The following PARP10 variants were observed in gnomAD, a reference collection of about 807,000 sequenced individuals.
The protein encoded by PARP10 is protein mono-ADP-ribosyltransferase PARP10.
PARP10 carries 56 observed loss-of-function variants against 82.4 expected under a neutral mutation model. The observed-to-expected ratio is 0.68, with a 90% CI of 0.55 to 0.85. The LOEUF (loss-of-function observed/expected upper bound fraction) is 0.85. Among genes scored for constraint, PARP10 ranks in the 40% least tolerant of loss-of-function variants. The probability of loss-of-function intolerance (pLI) is 0.00; values close to 1 mark genes in which losing one functional copy is unlikely to be tolerated. For missense variants in PARP10, 1,227 were observed against 1,379.4 expected, an observed-to-expected ratio of 0.89 and a Z score of 1.75; for synonymous variants, 576 against 601.1, an observed-to-expected ratio of 0.96 and a Z score of 0.61.
upstream of PARP10, among the ~76,000 whole-genome samples, chr8:143,989,341 A>G (rs1169970565): frequency 6.6e-6 from 1 of 152,244 alleles, no homozygotes; most frequent in Admixed American, 6.5e-5. This position sits in a 1 kb window ranked among gnomAD's most constrained non-coding sequence, Gnocchi z 4.3. Context: ...TGAGGACGTT[A>G]GGCAGACAAG....
chr8:143,985,860 G>A lies in PARP10; in HGVS notation c.297C>T (p.Gly99=), dbSNP rs1833977833. Reference sequence around the variant, plus strand: ...GCTGCTCCAAGCGCTGGGGCGTGGTGCCAGGGGGCAGTCCTTGGAGCAGCA... The same window carrying A: ...GCTGCTCCAAGCGCTGGGGCGTGGTACCAGGGGGCAGTCCTTGGAGCAGCA... ...ARLLLQGLPP[G]TTPQRLEQHV... is the part of the protein sequence containing the mutation. Residue 99 remains glycine (G), a synonymous_variant, in exon 3 of 11, where the codon GGC becomes GGT. Coordinates refer to ENST00000313028, the MANE Select transcript of PARP10 (RefSeq NM_032789.5). 6.2e-7 allele frequency: 1 copy of A among 1,608,574 alleles called. No individual in the cohort carries two copies. The highest frequency in any genetic ancestry group is 1.3e-5 in the African/African-American group (1 of 74,894).
At chr8:143,995,918 C>T (rs1209498132), upstream of PARP10, among the ~76,000 whole-genome samples, 2 of 152,268 alleles carry the variant, frequency 1.3e-5, no homozygotes, top group Admixed American at 6.5e-5. Flanking sequence ...TGCCTCTTCA[C>T]AGCTGACAGC....
chr8:143,991,468 G>T (rs1281428202), upstream of PARP10: 3 of 1,503,402 alleles, frequency 2.0e-6, no homozygotes, highest in Non-Finnish European at 8.8e-7. Context: ...TACCCACAGG[G>T]CCCCTACCCA....
chr8:143,989,110 C>T (rs1412938052), upstream of PARP10: 1 of 152,356 alleles, frequency 6.6e-6, no homozygotes, highest in African/African-American at 2.4e-5. The surrounding 1 kb of genome is among the most constrained non-coding windows in gnomAD (Gnocchi z 4.3). Flanking sequence ...AAACACTGCG[C>T]CAGCGCACCA....
intron 9 of PARP10, among the ~76,000 whole-genome samples, chr8:143,981,305 AGTGGTG>A (rs1379784776): frequency 8.4e-5 from 12 of 143,516 alleles, no homozygotes; most frequent in South Asian, 2.2e-4. Context: ...TGGTGGTGGT[AGTGGTG>A]GTGGTGATGG....
chr8:143,986,373 T>C lies in PARP10; in HGVS notation c.-14A>G. The C allele has an allele frequency of 6.2e-7, 1 of 1,614,086 alleles. No homozygotes were observed. Among genetic ancestry groups the C allele is most frequent in the Non-Finnish European group, 8.5e-7 (1 of 1,179,982 alleles). On this transcript the variant is annotated 5_prime_UTR_variant, in exon 1 of 11. Coordinates refer to ENST00000313028, the MANE Select transcript of PARP10 (RefSeq NM_032789.5). ...CAGCACTTACATTCCCCGTGGCCGCTAGGCAGCCTCAGGCCATGAGCTCAG... is the reference window on the plus strand; with the variant it reads ...CAGCACTTACATTCCCCGTGGCCGCCAGGCAGCCTCAGGCCATGAGCTCAG...
intron 1 of PARP10, among the ~76,000 whole-genome samples, chr8:144,006,469 T>C (rs569457788): frequency 2.6e-5 from 4 of 152,082 alleles, no homozygotes; most frequent in Non-Finnish European, 5.9e-5. Flanking sequence ...TGGGCACTGG[T>C]CTGATGAGGA....
chr8:143,991,559 C>T (rs782281395), upstream of PARP10: 5 of 1,560,502 alleles, frequency 3.2e-6, no homozygotes, highest in Non-Finnish European at 4.4e-6. Flanking sequence ...TCCCCCCCAA[C>T]CCCTATGGAC....
chr8:143,991,510 A>G (rs782001719), upstream of PARP10: 3 of 1,541,942 alleles, frequency 1.9e-6, no homozygotes, highest in Non-Finnish European at 2.6e-6. Flanking sequence ...CCCTACCCCC[A>G]AGGGGGCTAC....
Position 143,985,478 on chromosome 8 carries a change from G to C in PARP10, c.607C>G (p.Pro203Ala), listed in dbSNP as rs1382785881. ...LENERRSGGG[P>A]LEDLQRLPGP... ...GGTAGGCGTTGCAGGTCCTCCAGGG[G>C]CCCCCCACCACTGCGGCGCTCATTC... is the stretch of plus-strand genomic sequence containing the variant. The change falls in exon 4 of 11, where the codon CCC becomes GCC. Residue 203 changes from proline (P) to alanine (A), a missense_variant. Coordinates refer to ENST00000313028, the MANE Select transcript of PARP10 (RefSeq NM_032789.5). The C allele has an allele frequency of 5.6e-6, 9 of 1,612,970 alleles. No individual in the cohort carries two copies. The Admixed American group carries it at 1.0e-4, about 18-fold the overall frequency.
chr8:143,979,771 A>AGGCGTGAGC (rs1554747215), intron 9 of PARP10, among the ~76,000 whole-genome samples: 18 of 152,312 alleles, frequency 1.2e-4, no homozygotes, highest in African/African-American at 4.1e-4. Flanking sequence ...CACGCCTGTA[A>AGGCGTGAGC]TCCCAGCACT....
chr8:143,997,161 G>T (rs1834170195), intron 1 of PARP10, among the ~76,000 whole-genome samples: 1 of 152,178 alleles, frequency 6.6e-6, no homozygotes, highest in African/African-American at 2.4e-5. Flanking sequence ...AAGGCTTGTA[G>T]GACACACTGA....
At chr8:143,980,632 A>G (rs1361489102) in intron 9 of PARP10, among the ~76,000 whole-genome samples, 1 of 152,068 alleles carries the variant, frequency 6.6e-6, no homozygotes, top group Non-Finnish European at 1.5e-5. Context: ...CACCCACTCA[A>G]GGAGATACTC....
At chr8:143,999,652 CT>C (rs11291116) in intron 1 of PARP10, among the ~76,000 whole-genome samples, 45,162 of 144,396 alleles carry the variant, frequency 0.31, 7,193 homozygotes, top group Non-Finnish European at 0.37. Flanking sequence ...AATTGAGCTT[CT>C]TTTTTTTTTT....
intron 9 of PARP10, among the ~76,000 whole-genome samples, chr8:143,979,683 G>T (rs1833800348): frequency 6.6e-6 from 1 of 152,174 alleles, no homozygotes; most frequent in African/African-American, 2.4e-5. Context: ...GGCCAAGGTG[G>T]GTGGATCACT....
At chr8:143,992,382 C>A, upstream of PARP10, 3 of 1,606,816 alleles carry the variant, frequency 1.9e-6, no homozygotes, top group Non-Finnish European at 2.6e-6. Context: ...AGGTGAGGGG[C>A]CTCCCGTGGC....
upstream of PARP10, chr8:143,992,861 G>T (rs370897222): frequency 1.2e-6 from 2 of 1,609,828 alleles, no homozygotes; most frequent in Non-Finnish European, 8.5e-7. Flanking sequence ...AGCTCGCTGT[G>T]CCCGCTCAGG....
At chr8:143,980,261 A>G (rs1833816763) in intron 9 of PARP10, among the ~76,000 whole-genome samples, 1 of 130,886 alleles carries the variant, frequency 7.6e-6, no homozygotes, top group South Asian at 2.7e-4. Flanking sequence ...CAGAGCTTGC[A>G]GTGAGCTGAG....
chr8:143,977,781 C>T lies in PARP10; in HGVS notation c.2781G>A (p.Ser927=). The change falls in exon 11 of 11, where the codon TCG becomes TCA. Residue 927 remains serine, a synonymous_variant. Transcript: ENST00000313028. Reference sequence around the variant, plus strand: ...TGGGGGGCGAGTAGCGGTCCTGCACCGACAGGGAGGCGCGCCTGGCGAAAT... The same window carrying T: ...TGGGGGGCGAGTAGCGGTCCTGCACTGACAGGGAGGCGCGCCTGGCGAAAT... ...GVYFARRASL[S]VQDRYSPPNA... is the part of the protein sequence containing the mutation. 6.2e-7 allele frequency: 1 copy of T among 1,603,702 alleles called. No individual in the cohort carries two copies. Among genetic ancestry groups the T allele is most frequent in the Non-Finnish European group, 8.5e-7 (1 of 1,175,678 alleles).
Sources: gnomAD v4.1 joint callset for allele counts (sites outside exome capture counted in the v4.1 genomes callset) on GRCh38, gnomAD v4.1.1 for gene constraint, Gnocchi (gnomAD v3.1) non-coding constraint, MANE v1.5 for transcripts, NCBI Gene and HGNC (gene_info 2026-07-23, HGNC 2026-07-21) for gene names.